The following ULK4 variants were observed in gnomAD, a reference collection of about 807,000 sequenced individuals.
ULK4 encodes unc-51 like kinase 4, also known as inactive serine/threonine-protein kinase ULK4.
In ULK4, 133 loss-of-function variants were observed where a neutral mutation model predicts 160.6. The ratio of observed to expected loss-of-function variants is 0.83; its 90% confidence interval spans 0.72 to 0.96. The LOEUF is 0.96. Among genes scored for constraint, ULK4 ranks in the 40% least tolerant of loss-of-function variants. The pLI is 0.00. For missense variants in ULK4, 1,580 were observed against 1,499.5 expected, an observed-to-expected ratio of 1.05 and a Z score of -0.89; for synonymous variants, 534 against 539.8, an observed-to-expected ratio of 0.99 and a Z score of 0.15.
At chr3:41,335,398 CTATT>C (rs1660975190) in intron 35 of ULK4, among the ~76,000 whole-genome samples, 1 of 151,996 alleles carries the variant, frequency 6.6e-6, no homozygotes, top group African/African-American at 2.4e-5. Flanking sequence ...AAGTTCCTGA[CTATT>C]TAGGTAAGAA....
At chr3:41,772,076 G>A (rs1031103420) in intron 21 of ULK4, among the ~76,000 whole-genome samples, 7 of 152,170 alleles carry the variant, frequency 4.6e-5, no homozygotes, top group Non-Finnish European at 1.0e-4. Flanking sequence ...AAAGCACTGT[G>A]TAGAGGGAAG....
chr3:41,480,398 G>C (rs1016906505), intron 32 of ULK4, among the ~76,000 whole-genome samples: 35 of 151,766 alleles, frequency 2.3e-4, no homozygotes, highest in African/African-American at 8.5e-4. Context: ...GAATACAGTT[G>C]ACCCCTGAAC....
chr3:41,287,734 A>T (rs929313224), intron 35 of ULK4, among the ~76,000 whole-genome samples: 1 of 152,206 alleles, frequency 6.6e-6, no homozygotes, highest in Non-Finnish European at 1.5e-5. Context: ...AAGTACTCAC[A>T]GTGAAAACTT....
At chr3:41,410,311 C>T (rs893826583) in intron 34 of ULK4, among the ~76,000 whole-genome samples, 7 of 151,928 alleles carry the variant, frequency 4.6e-5, no homozygotes, top group South Asian at 2.1e-4. Flanking sequence ...TACACAAATG[C>T]GATACACTCA....
intron 30 of ULK4, among the ~76,000 whole-genome samples, chr3:41,635,446 A>G (rs190937672): frequency 6.6e-6 from 1 of 152,144 alleles, no homozygotes; most frequent in African/African-American, 2.4e-5. Context: ...ATAAATATAT[A>G]GAAGCATAAA....
intron 5 of ULK4, among the ~76,000 whole-genome samples, chr3:41,922,496 G>C (rs910147840): frequency 1.3e-5 from 2 of 151,860 alleles, no homozygotes; most frequent in Non-Finnish European, 2.9e-5. Flanking sequence ...GAAGGAAAGA[G>C]AAAGAAACAA....
intron 27 of ULK4, among the ~76,000 whole-genome samples, chr3:41,702,861 T>TG (rs1200564470): frequency 3.1e-4 from 43 of 137,642 alleles, no homozygotes; most frequent in African/African-American, 1.1e-3. Context: ...TTTGGTTTTG[T>TG]TTTTTTTTTT....
chr3:41,729,584 T>C (rs887510717), intron 22 of ULK4, among the ~76,000 whole-genome samples: 4 of 152,084 alleles, frequency 2.6e-5, no homozygotes, highest in Non-Finnish European at 1.5e-5. Context: ...GCCAACCTGC[T>C]CCCAAAGGAA....
chr3:41,797,300 A>T (rs1263710940), intron 20 of ULK4, among the ~76,000 whole-genome samples: 1 of 152,218 alleles, frequency 6.6e-6, no homozygotes, highest in Non-Finnish European at 1.5e-5. Context: ...TTATTATCTG[A>T]TCCTTTATAG....
At chr3:41,450,291 C>A (rs369192375) in intron 34 of ULK4, among the ~76,000 whole-genome samples, 1 of 152,126 alleles carries the variant, frequency 6.6e-6, no homozygotes, top group East Asian at 1.9e-4. Flanking sequence ...TGGTTACCAA[C>A]TGAGGGTTTG....
chr3:41,567,517 G>C (rs1023984842), intron 31 of ULK4, among the ~76,000 whole-genome samples: 6 of 142,038 alleles, frequency 4.2e-5, no homozygotes, highest in Non-Finnish European at 7.5e-5. Flanking sequence ...GTGCGATCTC[G>C]GCTCACTGAA....
intron 2 of ULK4, among the ~76,000 whole-genome samples, chr3:41,946,986 C>T (rs182727354): frequency 9.5e-4 from 145 of 152,214 alleles, no homozygotes; most frequent in Non-Finnish European, 2.9e-4. Flanking sequence ...GGGGATGATA[C>T]TTCAAGGAAA....
chr3:41,397,984 TA>T, intron 35 of ULK4, 94 bp downstream of exon 35: 1 of 1,410,178 alleles, frequency 7.1e-7, no homozygotes, highest in Non-Finnish European at 9.6e-7. Flanking sequence ...AAATTCTCTG[TA>T]AATTTGAAAT....
intron 11 of ULK4, among the ~76,000 whole-genome samples, chr3:41,908,951 G>A (rs1197407233): frequency 1.3e-5 from 2 of 151,930 alleles, no homozygotes; most frequent in African/African-American, 2.4e-5. Context: ...AAATTAGCCA[G>A]GCATGGTAGC....
chr3:41,417,404 G>C (rs1010431020), intron 34 of ULK4, among the ~76,000 whole-genome samples: 1 of 152,176 alleles, frequency 6.6e-6, no homozygotes, highest in Non-Finnish European at 1.5e-5. Context: ...CTGAAAGAGG[G>C]AGGAAAATGT....
chr3:41,664,465 G>A (rs939062470), intron 29 of ULK4, among the ~76,000 whole-genome samples: 2 of 152,288 alleles, frequency 1.3e-5, no homozygotes, highest in Admixed American at 1.3e-4. Flanking sequence ...CAGCACGTGT[G>A]TGTGATGTTT....
intron 32 of ULK4, among the ~76,000 whole-genome samples, chr3:41,555,056 T>C (rs535179410): frequency 6.6e-6 from 1 of 152,114 alleles, no homozygotes; most frequent in East Asian, 1.9e-4. Flanking sequence ...TTAAGCATCA[T>C]ACTCAATGAC....
At chr3:41,421,473 A>C (rs764488162) in intron 34 of ULK4, among the ~76,000 whole-genome samples, 7 of 152,202 alleles carry the variant, frequency 4.6e-5, no homozygotes, top group Non-Finnish European at 8.8e-5. Context: ...CTCTATCTTA[A>C]ATAGAGTTCT....
chr3:41,766,007 A>C (rs2039149075), intron 21 of ULK4, among the ~76,000 whole-genome samples: 1 of 152,040 alleles, frequency 6.6e-6, no homozygotes, highest in Non-Finnish European at 1.5e-5. Context: ...GTGGTGGCTC[A>C]TGCCTTTAAT....
Sources: gnomAD v4.1 joint callset for allele counts (sites outside exome capture counted in the v4.1 genomes callset) on GRCh38, gnomAD v4.1.1 for gene constraint, MANE v1.5 for transcripts, NCBI Gene and HGNC (gene_info 2026-07-23, HGNC 2026-07-21) for gene names.